ATP8A2: variants seen among roughly 807,000 people sequenced by gnomAD.
The protein encoded by ATP8A2 is phospholipid-transporting ATPase IB.
ATP8A2 carries 100 observed loss-of-function variants against 165.6 expected under a neutral mutation model. That is an observed-to-expected ratio of 0.60 (90% CI 0.51 to 0.71). The LOEUF is 0.71. Among genes scored for constraint, ATP8A2 ranks in the 30% least tolerant of loss-of-function variants. The probability of loss-of-function intolerance (pLI) is 0.00; values close to 1 mark genes in which losing one functional copy is unlikely to be tolerated. For synonymous variants in ATP8A2, 543 were observed against 548.8 expected, an observed-to-expected ratio of 0.99 and a Z score of 0.15; for missense variants, 1,227 against 1,479.5, an observed-to-expected ratio of 0.83 and a Z score of 2.80.
At chr13:25,392,902 C>T (rs2033295742) in intron 1 of ATP8A2, among the ~76,000 whole-genome samples, 1 of 121,928 alleles carries the variant, frequency 8.2e-6, no homozygotes, top group African/African-American at 3.0e-5. Flanking sequence ...ACAATGAAGC[C>T]TCATCTCTAC....
At chr13:25,383,383 G>A (rs924748198) in intron 1 of ATP8A2, among the ~76,000 whole-genome samples, 1 of 152,200 alleles carries the variant, frequency 6.6e-6, no homozygotes, top group Non-Finnish European at 1.5e-5. Flanking sequence ...GATTACAGGC[G>A]TGTGCCTTTT....
At chr13:25,573,110 C>T (rs2039514012) in intron 18 of ATP8A2, among the ~76,000 whole-genome samples, 1 of 152,170 alleles carries the variant, frequency 6.6e-6, no homozygotes, top group South Asian at 2.1e-4. Context: ...ATTTCCCGTA[C>T]AGAAGCTTTT....
At chr13:26,015,506 A>G (rs1956949915) in intron 36 of ATP8A2, among the ~76,000 whole-genome samples, 1 of 152,192 alleles carries the variant, frequency 6.6e-6, no homozygotes, top group South Asian at 2.1e-4. Flanking sequence ...GAATCTTTCC[A>G]GACAGGAAAC....
intron 25 of ATP8A2, among the ~76,000 whole-genome samples, chr13:25,706,038 A>G (rs1174788961): frequency 6.6e-6 from 1 of 152,238 alleles, no homozygotes; most frequent in Non-Finnish European, 1.5e-5. Flanking sequence ...GATAAGCAAC[A>G]TAGAAACTTG....
chr13:25,430,368 G>C (rs73168595), intron 1 of ATP8A2, among the ~76,000 whole-genome samples: 2,797 of 152,256 alleles, frequency 0.018, 41 homozygotes, highest in Non-Finnish European at 0.028. Flanking sequence ...GCCCAAATAG[G>C]GATTGCTGCA....
chr13:25,559,167 G>A, intron 14 of ATP8A2, 106 bp downstream of exon 14: 1 of 738,580 alleles, frequency 1.4e-6, no homozygotes, highest in East Asian at 2.7e-5. Flanking sequence ...TGTTTTGAAA[G>A]GATAAAGTAG....
intron 1 of ATP8A2, among the ~76,000 whole-genome samples, chr13:25,392,144 AAGTGCCTGATACACTAG>A (rs2033271898): frequency 1.3e-5 from 2 of 152,234 alleles, no homozygotes; most frequent in Non-Finnish European, 2.9e-5. Context: ...ACCACCCCTC[AAGTGCCTGATACACTAG>A]TCAGAAGAAC....
At chr13:25,649,689 T>C (rs560522831) in intron 24 of ATP8A2, among the ~76,000 whole-genome samples, 1 of 152,212 alleles carries the variant, frequency 6.6e-6, no homozygotes, top group East Asian at 1.9e-4. Flanking sequence ...GTGGCACAAC[T>C]AGCTTTCCAT....
intron 26 of ATP8A2, among the ~76,000 whole-genome samples, chr13:25,772,654 T>A (rs374454386): frequency 1.3e-5 from 2 of 152,140 alleles, no homozygotes; most frequent in Non-Finnish European, 2.9e-5. Context: ...TTATGCAGTT[T>A]CCTCCTGAAA....
intron 25 of ATP8A2, among the ~76,000 whole-genome samples, chr13:25,738,342 C>T (rs1033754438): frequency 2.4e-5 from 1 of 41,844 alleles, no homozygotes; most frequent in African/African-American, 1.2e-4. Flanking sequence ...TGCCCCCCTC[C>T]CCCCCCCCCA....
At chr13:25,389,858 G>A (rs561912712) in intron 1 of ATP8A2, among the ~76,000 whole-genome samples, 1 of 152,342 alleles carries the variant, frequency 6.6e-6, no homozygotes, top group East Asian at 1.9e-4. Context: ...GGCAATACTA[G>A]AAGAGATGCT....
At chr13:25,825,819 C>G (rs1951300135) in intron 27 of ATP8A2, among the ~76,000 whole-genome samples, 1 of 152,012 alleles carries the variant, frequency 6.6e-6, no homozygotes, top group Non-Finnish European at 1.5e-5. Flanking sequence ...CAGCATGAAT[C>G]TCTGGTTCTT....
intron 27 of ATP8A2, among the ~76,000 whole-genome samples, chr13:25,817,428 A>C (rs1951056825): frequency 6.6e-6 from 1 of 151,606 alleles, no homozygotes; most frequent in African/African-American, 2.4e-5. Context: ...AAACAGAGAC[A>C]TTTTATAACG....
intron 33 of ATP8A2, among the ~76,000 whole-genome samples, chr13:25,881,852 T>C (rs918310056): frequency 3.9e-5 from 6 of 152,148 alleles, no homozygotes; most frequent in Admixed American, 1.3e-4. Context: ...GACTAGAGTC[T>C]ACATTTTAAC....
chr13:25,993,049 T>C (rs1685075118), intron 35 of ATP8A2, among the ~76,000 whole-genome samples: 1 of 151,506 alleles, frequency 6.6e-6, no homozygotes, highest in Middle Eastern at 3.4e-3. Flanking sequence ...TAGTATTCCA[T>C]GGTGTATATG....
chr13:25,519,962 G>T (rs1321547953), intron 2 of ATP8A2, among the ~76,000 whole-genome samples: 1 of 152,172 alleles, frequency 6.6e-6, no homozygotes, highest in Non-Finnish European at 1.5e-5. Context: ...AAAGGTACAT[G>T]TAATAATTTG....
intron 24 of ATP8A2, among the ~76,000 whole-genome samples, chr13:25,674,105 G>A (rs2042321999): frequency 1.3e-5 from 2 of 152,170 alleles, no homozygotes; most frequent in Non-Finnish European, 2.9e-5. Flanking sequence ...TGTGGTGTTA[G>A]TGTCTTTAGT....
At chr13:25,494,386 A>G (rs915990492) in intron 2 of ATP8A2, among the ~76,000 whole-genome samples, 2 of 152,306 alleles carry the variant, frequency 1.3e-5, no homozygotes, top group East Asian at 3.9e-4. Flanking sequence ...CCTTTCTGCC[A>G]CTGCAGAGAC....
At chr13:25,796,392 T>C (rs770231359) in intron 27 of ATP8A2, among the ~76,000 whole-genome samples, 1 of 152,186 alleles carries the variant, frequency 6.6e-6, no homozygotes, top group Non-Finnish European at 1.5e-5. Flanking sequence ...AAGGCAGGTG[T>C]GTGTTGTTTA....
Sources: allele counts gnomAD v4.1 joint callset (sites outside exome capture counted in the v4.1 genomes callset), GRCh38; gene constraint gnomAD v4.1.1; transcripts MANE v1.5; gene names NCBI Gene and HGNC (gene_info 2026-07-23, HGNC 2026-07-21).